BBX: variants seen among roughly 807,000 people sequenced by gnomAD.
BBX encodes HMG box transcription factor BBX.
Under a neutral mutation model 100.2 loss-of-function variants are expected in BBX, and 30 were observed. The ratio of observed to expected loss-of-function variants is 0.30; its 90% CI spans 0.22 to 0.41. BBX has a LOEUF of 0.41. Ranked by LOEUF, BBX falls within the 10% of genes least tolerant of loss-of-function variation. The probability of loss-of-function intolerance (pLI) is 1.00; values close to 1 mark genes in which losing one functional copy is unlikely to be tolerated. For synonymous variants in BBX, 376 were observed against 388.1 expected, an observed-to-expected ratio of 0.97 and a Z score of 0.37; for missense variants, 1,023 against 1,129.8, an observed-to-expected ratio of 0.91 and a Z score of 1.35.
chr3:107,555,129 A>G (rs2050000268), intron 2 of BBX, among the ~76,000 whole-genome samples: 1 of 152,182 alleles, frequency 6.6e-6, no homozygotes, highest in Non-Finnish European at 1.5e-5. Context: ...CTTTATTTTC[A>G]TAGTATTGAT....
At chr3:107,734,165 A>G (rs542160643) in intron 7 of BBX, among the ~76,000 whole-genome samples, 1 of 152,298 alleles carries the variant, frequency 6.6e-6, no homozygotes, top group South Asian at 2.1e-4. Flanking sequence ...GTAGACATAT[A>G]ATTAGATAAT....
At chr3:107,710,372 A>T in intron 3 of BBX, 80 bp from the exon 4 acceptor site, 1 of 1,192,426 alleles carries the variant, frequency 8.4e-7, no homozygotes. Flanking sequence ...ACTAATTGTA[A>T]TCAAATTTAC....
chr3:107,542,141 TA>T (rs2107366230), intron 2 of BBX, among the ~76,000 whole-genome samples: 1 of 152,304 alleles, frequency 6.6e-6, no homozygotes, highest in East Asian at 1.9e-4. Context: ...TTTTATATAA[TA>T]GAAAGGTTTT....
chr3:107,785,749 T>A (rs1183334252), intron 13 of BBX, among the ~76,000 whole-genome samples: 1 of 152,032 alleles, frequency 6.6e-6, no homozygotes, highest in African/African-American at 2.4e-5. Context: ...TACTGGATGC[T>A]TTCCCCCTAG....
chr3:107,653,870 AATT>A (rs1167213216), intron 3 of BBX, among the ~76,000 whole-genome samples: 1 of 152,162 alleles, frequency 6.6e-6, no homozygotes, highest in South Asian at 2.1e-4. Flanking sequence ...GTGCCACAAT[AATT>A]ATACTGAAGA....
rs974191236 is a variant in BBX at position 107,810,394 on chromosome 3, T to C, written c.*4937T>C. On this transcript the variant is annotated 3_prime_UTR_variant, in exon 18 of 18. Coordinates refer to ENST00000325805, the MANE Select transcript of BBX (RefSeq NM_001142568.3). ...CGATTTTTATGCACAGAACTAGTTA[T>C]TGTGAACATTACTGCTCCCTCCAAA... 1.3e-5 allele frequency: 2 copies of C among 152,188 alleles called. No homozygotes were observed. Among genetic ancestry groups the C allele is most frequent in the Non-Finnish European group, 2.9e-5 (2 of 68,044 alleles). The allele number at this position is 152,188 out of a possible 1,614,324, so 9.4% of individuals were successfully genotyped here.
At chr3:107,685,750 T>G (rs998718954) in intron 3 of BBX, among the ~76,000 whole-genome samples, 1 of 152,254 alleles carries the variant, frequency 6.6e-6, no homozygotes, top group East Asian at 1.9e-4. Flanking sequence ...CTAATTTTTG[T>G]CTTTATTGAT....
chr3:107,591,356 A>G (rs912447397), intron 2 of BBX, among the ~76,000 whole-genome samples: 1 of 152,240 alleles, frequency 6.6e-6, no homozygotes, highest in African/African-American at 2.4e-5. Context: ...ATGGGTCAAA[A>G]GCATGGTTGG....
At chr3:107,757,204 T>C (rs1198479010) in intron 10 of BBX, among the ~76,000 whole-genome samples, 3 of 152,120 alleles carry the variant, frequency 2.0e-5, no homozygotes, top group Non-Finnish European at 4.4e-5. Context: ...ACAGTTTTTT[T>C]TTGTTAAAAA....
intron 3 of BBX, among the ~76,000 whole-genome samples, chr3:107,697,595 T>C (rs895399433): frequency 6.6e-6 from 1 of 151,930 alleles, no homozygotes; most frequent in Admixed American, 6.5e-5. Context: ...CGCTGCTCTC[T>C]TCAAAGCTGT....
At chr3:107,661,506 T>G (rs2107859566) in intron 3 of BBX, among the ~76,000 whole-genome samples, 1 of 152,268 alleles carries the variant, frequency 6.6e-6, no homozygotes, top group African/African-American at 2.4e-5. Flanking sequence ...CCTGTGAAGA[T>G]GAATTTTAAT....
At chr3:107,798,288 G>A (rs932900552) in intron 15 of BBX, among the ~76,000 whole-genome samples, 5 of 152,122 alleles carry the variant, frequency 3.3e-5, no homozygotes, top group Non-Finnish European at 1.5e-5. Flanking sequence ...CTTAGAAAAT[G>A]TAAAAAAGAG....
chr3:107,653,532 C>T (rs1479178257), intron 3 of BBX, among the ~76,000 whole-genome samples: 3 of 152,094 alleles, frequency 2.0e-5, no homozygotes, highest in African/African-American at 7.2e-5. Flanking sequence ...ATCTATGAAG[C>T]TGATAGACAA....
rs2071086144 is a variant in BBX at position 107,806,622 on chromosome 3, T to G, written c.*1165T>G. ...TCAGTCATAGATCCACCTGCAAGTC[T>G]CTGTTTCCTTTTTGTGTTTTGTTGC... is the stretch of plus-strand genomic sequence containing the variant. On this transcript the variant is annotated 3_prime_UTR_variant, in exon 18 of 18. Coordinates refer to ENST00000325805, the MANE Select transcript of BBX (RefSeq NM_001142568.3). 6.6e-6 allele frequency: 1 copy of G among 152,244 alleles called. No individual in the cohort carries two copies. The highest frequency in any genetic ancestry group is 2.1e-4 in the South Asian group (1 of 4,830). 9.4% of individuals were successfully genotyped at this position (152,244 alleles called of 1,614,324 possible). A position where few individuals can be genotyped will look rare whatever the true frequency, so the allele number is the denominator to read the frequency against.
At chr3:107,606,360 A>C (rs2054438913) in intron 2 of BBX, among the ~76,000 whole-genome samples, 1 of 152,226 alleles carries the variant, frequency 6.6e-6, no homozygotes, top group African/African-American at 2.4e-5. Context: ...TGTTTGAAAC[A>C]AAAAGGCTTC....
At chr3:107,544,788 G>A (rs1234854790) in intron 2 of BBX, among the ~76,000 whole-genome samples, 2 of 150,212 alleles carry the variant, frequency 1.3e-5, no homozygotes, top group African/African-American at 2.5e-5. Flanking sequence ...GGCGGATCAC[G>A]AGGTCAGGAG....
chr3:107,791,117 A>G, intron 14 of BBX, 123 bp from the exon 15 acceptor site: 1 of 701,210 alleles, frequency 1.4e-6, no homozygotes, highest in Non-Finnish European at 2.4e-6. Context: ...AATTGACATA[A>G]AATTCAGCTT....
At chr3:107,671,427 T>C (rs1425240425) in intron 3 of BBX, among the ~76,000 whole-genome samples, 1 of 152,066 alleles carries the variant, frequency 6.6e-6, no homozygotes, top group Non-Finnish European at 1.5e-5. Flanking sequence ...GTATTTCTTT[T>C]GAATTATTTT....
At chr3:107,717,381 T>G (rs947820492) in intron 5 of BBX, among the ~76,000 whole-genome samples, 6 of 152,114 alleles carry the variant, frequency 3.9e-5, no homozygotes, top group African/African-American at 1.4e-4. Context: ...CATCTCAGCT[T>G]CTTTTTTTTT....
Sources: allele counts gnomAD v4.1 joint callset (sites outside exome capture counted in the v4.1 genomes callset), GRCh38; gene constraint gnomAD v4.1.1; transcripts MANE v1.5; gene names NCBI Gene and HGNC (gene_info 2026-07-23, HGNC 2026-07-21).